FAM89A: variants seen among roughly 807,000 people sequenced by gnomAD.
The protein encoded by FAM89A is protein FAM89A.
FAM89A carries 10 observed loss-of-function variants against 7.1 expected under a neutral mutation model. That is an observed-to-expected ratio of 1.40 (90% CI 0.86 to 2.38). The LOEUF (loss-of-function observed/expected upper bound fraction) is 2.38. Among genes scored for constraint, FAM89A ranks in the 30% most tolerant of loss-of-function variants. The probability of loss-of-function intolerance (pLI) is 0.00; values close to 1 mark genes in which losing one functional copy is unlikely to be tolerated. For missense variants in FAM89A, 276 were observed against 262.8 expected (o/e 1.05, Z -0.35); for synonymous variants, 157 against 129.3 (o/e 1.21, Z -1.45).
rs1487162040 is a variant in FAM89A at position 231,040,037 on chromosome 1, G to A, written c.175C>T (p.Arg59Cys). Reference protein sequence around the residue: ...HLERLYAQKSRIQDELSRGGP... With the variant: ...HLERLYAQKSCIQDELSRGGP... ...CCGCGGCTCAGCTCGTCCTGGATGC[G>A]CGACTTCTGCGCGTACAGCCGCTCC... The change falls in exon 1 of 2, where the codon CGC becomes TGC. Residue 59 changes from arginine (R) to cysteine (C), a missense_variant. Arg to Cys is a radical substitution (Grantham distance 180, BLOSUM62 -3). Coordinates refer to ENST00000366654, the MANE Select transcript of FAM89A (RefSeq NM_198552.3). 3.5e-6 allele frequency: 5 copies of A among 1,444,344 alleles called. No homozygotes were observed. The highest frequency in any genetic ancestry group is 3.6e-6 in the Non-Finnish European group (4 of 1,101,618). 89.5% of individuals were successfully genotyped at this position (1,444,344 alleles called of 1,614,324 possible). A position where few individuals can be genotyped will look rare whatever the true frequency, so the allele number is the denominator to read the frequency against.
At chr1:231,034,220 G>A (rs954852738) in intron 1 of FAM89A, among the ~76,000 whole-genome samples, 4 of 152,134 alleles carry the variant, frequency 2.6e-5, no homozygotes, top group African/African-American at 4.8e-5. Flanking sequence ...GACAGGCCCC[G>A]CACGTGTGCC....
Position 231,020,038 on chromosome 1 carries a change from G to A in FAM89A, c.380C>T (p.Ala127Val), listed in dbSNP as rs148621394. 1 of 1,614,114 alleles carries A rather than the reference G, an allele frequency of 6.2e-7. No homozygotes were observed. Among genetic ancestry groups the A allele is most frequent in the Non-Finnish European group, 8.5e-7 (1 of 1,180,030 alleles). Reference protein sequence around the residue: ...SIQEYKGACQAASSPDCTYAL... With the variant: ...SIQEYKGACQVASSPDCTYAL... ...GTAAGTGCAGTCTGGGCTGGAGGCT[G>A]CCTGGCATGCCCCCTTGTACTCCTG... Residue 127 changes from alanine to valine, a missense_variant, in exon 2 of 2, where the codon GCA (alanine) becomes GTA (valine). Coordinates refer to ENST00000366654, the MANE Select transcript of FAM89A (RefSeq NM_198552.3).
intron 1 of FAM89A, among the ~76,000 whole-genome samples, chr1:231,033,346 G>T (rs925581545): frequency 5.9e-5 from 9 of 152,214 alleles, no homozygotes; most frequent in African/African-American, 2.2e-4. Flanking sequence ...GAAAAGCTTG[G>T]TTTTTCAAAG....
chr1:231,031,265 CAGCTGTATAACTGGGAAA>C (rs1680063809), intron 1 of FAM89A, among the ~76,000 whole-genome samples: 1 of 152,178 alleles, frequency 6.6e-6, no homozygotes, highest in Non-Finnish European at 1.5e-5. Flanking sequence ...TGGCCTCATA[CAGCTGTATAACTGGGAAA>C]TGAAGGAGTA....
intron 1 of FAM89A, among the ~76,000 whole-genome samples, 185 bp from the exon 2 acceptor site, chr1:231,020,311 C>T (rs1487178166): frequency 6.6e-6 from 1 of 152,198 alleles, no homozygotes; most frequent in Admixed American, 6.5e-5. Flanking sequence ...TATGCCCATA[C>T]CTCAGACGTT....
rs370943391 is a variant in FAM89A at position 231,027,815 on chromosome 1, G to A, written c.292-7689C>T. ...ATCTGTGAATGCTCCTCGACCACCCGCCCTGTACCTGATTCCCTCCACTCT... is the reference window on the plus strand; with the variant it reads ...ATCTGTGAATGCTCCTCGACCACCCACCCTGTACCTGATTCCCTCCACTCT... On this transcript the variant is annotated intron_variant, in intron 1 of 1. Coordinates refer to ENST00000366654, the MANE Select transcript of FAM89A (RefSeq NM_198552.3). Among the ~76,000 whole-genome samples the A allele has an allele frequency of 1.7e-3, 260 of 152,188 alleles. 3 individuals carry two copies. Among genetic ancestry groups the A allele is most frequent in the African/African-American group, 5.8e-3 (239 of 41,522 alleles).
Position 231,039,998 on chromosome 1 carries a change from C to G in FAM89A, c.214G>C (p.Gly72Arg), listed in dbSNP as rs938747156. ...GGCAGCGCTGCCGCCCGGGCCCCGC[C>G]GCCGCCCGGGCCCCCGCGGCTCAGC... ...DELSRGGPGG[G>R]GARAAALPAK... Residue 72 changes from glycine to arginine, a missense_variant, in exon 1 of 2, where the codon GGC becomes CGC. Physicochemically the swap from Gly to Arg is moderately radical, Grantham distance 125 (BLOSUM62 -2). Coordinates refer to ENST00000366654, the MANE Select transcript of FAM89A (RefSeq NM_198552.3). 18 of 1,390,854 alleles carry G rather than the reference C, an allele frequency of 1.3e-5. No individual in the cohort carries two copies. Among genetic ancestry groups the G allele is most frequent in the Non-Finnish European group, 1.7e-5 (18 of 1,079,208 alleles). 86.2% of individuals were successfully genotyped at this position (1,390,854 alleles called of 1,614,324 possible).
chr1:231,025,924 C>T (rs1390264688), intron 1 of FAM89A: 1 of 152,546 alleles, frequency 6.6e-6, no homozygotes, highest in Non-Finnish European at 1.5e-5. Context: ...ATTTATTATC[C>T]TGTAAGCCTG....
At chr1:231,028,214 T>C (rs1423418685) in intron 1 of FAM89A, among the ~76,000 whole-genome samples, 1 of 152,136 alleles carries the variant, frequency 6.6e-6, no homozygotes, top group Non-Finnish European at 1.5e-5. Flanking sequence ...CCGAGTGCCC[T>C]GTACACAAGG....
At chr1:231,031,375 G>GA (rs1291541196) in intron 1 of FAM89A, among the ~76,000 whole-genome samples, 1 of 152,062 alleles carries the variant, frequency 6.6e-6, no homozygotes, top group Non-Finnish European at 1.5e-5. Context: ...GTGGAATTTG[G>GA]AACTATACCA....
intron 1 of FAM89A, chr1:231,021,919 C>G: frequency 6.6e-7 from 1 of 1,518,062 alleles, no homozygotes; most frequent in Non-Finnish European, 9.1e-7. Context: ...TGTCCAGGGA[C>G]AGAGACGTGT....
intron 1 of FAM89A, among the ~76,000 whole-genome samples, chr1:231,038,080 T>A (rs1000712784): frequency 4.6e-5 from 7 of 152,166 alleles, no homozygotes; most frequent in Admixed American, 3.3e-4. Flanking sequence ...CCCAAGTCAG[T>A]AAATCAATTA....
intron 1 of FAM89A, among the ~76,000 whole-genome samples, chr1:231,036,948 A>G (rs1680165597): frequency 6.6e-6 from 1 of 152,278 alleles, no homozygotes; most frequent in East Asian, 1.9e-4. Context: ...GCTAACTGCC[A>G]TACAGTGGTA....
Position 231,032,250 on chromosome 1 carries a change from G to A in FAM89A, c.291+7671C>T, listed in dbSNP as rs145057148. 5.6e-3 allele frequency among the ~76,000 whole-genome samples: 859 copies of A among 152,192 alleles called. 11 individuals are homozygous for A. Among genetic ancestry groups the A allele is most frequent in the African/African-American group, 0.019 (790 of 41,516 alleles). Reference sequence around the variant, plus strand: ...ATTCTGCTTTGCTATTTAATAGAAAGCCATTTCAGAGTTTTTAAAAAATGC... The same window carrying A: ...ATTCTGCTTTGCTATTTAATAGAAAACCATTTCAGAGTTTTTAAAAAATGC... On this transcript the variant is annotated intron_variant, in intron 1 of 1. Transcript: ENST00000366654.
chr1:231,023,172 C>T lies in FAM89A; in HGVS notation c.292-3046G>A, dbSNP rs544940104. ...GCCCAGGTCACTGTTGCCCCATGTTCGGAGAACCTGGCCCACCTGACTTGG... is the reference window on the plus strand; with the variant it reads ...GCCCAGGTCACTGTTGCCCCATGTTTGGAGAACCTGGCCCACCTGACTTGG... On this transcript the variant is annotated intron_variant, in intron 1 of 1. Transcript: ENST00000366654. 4.6e-5 allele frequency among the ~76,000 whole-genome samples: 7 copies of T among 152,290 alleles called. No individual in the cohort carries two copies. In the South Asian group the frequency reaches 6.2e-4, roughly 14 times the overall value.
At chr1:231,020,910 C>T (rs1274310904) in intron 1 of FAM89A, among the ~76,000 whole-genome samples, 1 of 152,204 alleles carries the variant, frequency 6.6e-6, no homozygotes, top group Non-Finnish European at 1.5e-5. Context: ...AGCACGGTCA[C>T]AGTCAGAACA....
In FAM89A at chr1:231,019,637, T is replaced by C; in HGVS notation, c.*226A>G. 5.5e-6 allele frequency: 3 copies of C among 546,866 alleles called. No individual in the cohort carries two copies. In the East Asian group the frequency reaches 9.2e-5, roughly 17 times the overall value. The allele number at this position is 546,866 out of a possible 1,614,324, so 33.9% of individuals were successfully genotyped here. ...CTCAATAAATAGGTGTGGAGGATAC[T>C]GCTGAGGACCTCTAGGTCACCTAAG... On this transcript the variant is annotated 3_prime_UTR_variant, in exon 2 of 2. Transcript: ENST00000366654.
chr1:231,039,627 C>T (rs2103078880), intron 1 of FAM89A, among the ~76,000 whole-genome samples: 1 of 152,306 alleles, frequency 6.6e-6, no homozygotes, highest in South Asian at 2.1e-4. Context: ...GGCACGAACC[C>T]CGCACAGCGC....
intron 1 of FAM89A, among the ~76,000 whole-genome samples, chr1:231,039,059 TGCCTGGCCTAC>T (rs1011513269): frequency 2.5e-4 from 38 of 152,370 alleles, no homozygotes; most frequent in African/African-American, 8.7e-4. Context: ...GATTTCTTCT[TGCCTGGCCTAC>T]GCCTGGCCGA....
Sources: gnomAD v4.1 joint callset for allele counts (sites outside exome capture counted in the v4.1 genomes callset) on GRCh38, gnomAD v4.1.1 for gene constraint, MANE v1.5 for transcripts, NCBI Gene and HGNC (gene_info 2026-07-23, HGNC 2026-07-21) for gene names.